The following CEP89 variants were observed in gnomAD, a reference collection of about 807,000 sequenced individuals.
The protein encoded by CEP89 is centrosomal protein of 89 kDa.
In CEP89, 95 loss-of-function variants were observed where a neutral mutation model predicts 97.6. That is an observed-to-expected ratio of 0.97 (90% CI 0.82 to 1.15). The LOEUF (loss-of-function observed/expected upper bound fraction) is 1.15, where lower values mean the gene tolerates loss of function less well. Ranked by LOEUF, CEP89 falls within the 50% of genes most tolerant of loss-of-function variation. CEP89 has a pLI of 0.00. For missense variants in CEP89, 869 were observed against 947.7 expected (o/e 0.92, Z 1.09); for synonymous variants, 354 against 349.1 (o/e 1.01, Z -0.16).
intron 9 of CEP89, among the ~76,000 whole-genome samples, chr19:32,930,010 CCTTT>C (rs1482609137): frequency 2.7e-5 from 4 of 150,078 alleles, no homozygotes; most frequent in African/African-American, 9.9e-5. Flanking sequence ...TATGACACTT[CCTTT>C]TTTTTCCTTT....
chr19:32,913,308 TTTTTGTTG>T (rs1168216873), intron 14 of CEP89, among the ~76,000 whole-genome samples: 32,056 of 101,032 alleles, frequency 0.32, 3,673 homozygotes, highest in Admixed American at 0.4. Context: ...TATATATATT[TTTTTGTTG>T]TTGTTGTTGT....
intron 1 of CEP89, chr19:32,970,297 T>C (rs1312226352): frequency 2.0e-5 from 3 of 152,222 alleles, no homozygotes; most frequent in Admixed American, 6.6e-5. Context: ...ACAGACCGTG[T>C]GGCCATAAGC....
chr19:32,946,689 T>C (rs966548624), intron 5 of CEP89, among the ~76,000 whole-genome samples: 19 of 152,154 alleles, frequency 1.2e-4, no homozygotes, highest in African/African-American at 1.4e-4. Flanking sequence ...GTTCTCGTGG[T>C]AGTGAATAAG....
At chr19:32,937,395 T>G in intron 7 of CEP89, 2 of 466,788 alleles carry the variant, frequency 4.3e-6, no homozygotes, top group Non-Finnish European at 3.8e-6. Flanking sequence ...GATCCCAGCA[T>G]ATCCCACAGG....
chr19:32,883,262 AC>A (rs1370030465), intron 17 of CEP89, among the ~76,000 whole-genome samples: 1 of 152,138 alleles, frequency 6.6e-6, no homozygotes. Context: ...ATTCTCTCTG[AC>A]CCAAGAATTG....
At position 32,877,774 on chromosome 19, in the gene CEP89, A is replaced by C. The variant is rs1969199167; in HGVS notation, c.*1388T>G. 6.6e-6 allele frequency: 1 copy of C among 151,950 alleles called. No individual in the cohort carries two copies. The highest frequency in any genetic ancestry group is 1.5e-5 in the Non-Finnish European group (1 of 68,048). 9.4% of individuals were successfully genotyped at this position (151,950 alleles called of 1,614,324 possible). Reference sequence around the variant, plus strand: ...AAGACCCCATCTCTACCAAAAAAAAAATTTTTTTTTTTTGAGACAAAGTCT... The same window carrying C: ...AAGACCCCATCTCTACCAAAAAAAACATTTTTTTTTTTTGAGACAAAGTCT... On this transcript the variant is annotated 3_prime_UTR_variant, in exon 19 of 19. Transcript: ENST00000305768.
intron 16 of CEP89, among the ~76,000 whole-genome samples, chr19:32,894,384 G>A (rs1969595697): frequency 6.6e-6 from 1 of 152,064 alleles, no homozygotes; most frequent in Admixed American, 6.6e-5. Flanking sequence ...ACTACCAGGT[G>A]GTTACACGTT....
chr19:32,971,706 A>G lies in CEP89; in HGVS notation c.39+130T>C. ...AACACGAAAAATCAAGGCTTCCTCA[A>G]CTGAAAACCACTTTCTCTTGTGCCG... is the stretch of plus-strand genomic sequence containing the variant. On this transcript the variant is annotated intron_variant, in intron 1 of 18. Transcript: ENST00000305768. The G allele has an allele frequency of 3.3e-6, 3 of 900,134 alleles. No individual in the cohort carries two copies. The East Asian group carries it at 8.0e-5, about 24-fold the overall frequency. The allele number at this position is 900,134 out of a possible 1,614,324, so 55.8% of individuals were successfully genotyped here.
intron 14 of CEP89, among the ~76,000 whole-genome samples, chr19:32,912,511 A>T (rs1367732725): frequency 3.9e-5 from 6 of 152,138 alleles, no homozygotes; most frequent in Non-Finnish European, 8.8e-5. Flanking sequence ...GGCCTGCCAT[A>T]TGAATTTTGA....
chr19:32,895,509 T>C (rs564616853), intron 16 of CEP89, among the ~76,000 whole-genome samples: 1 of 152,232 alleles, frequency 6.6e-6, no homozygotes, highest in African/African-American at 2.4e-5. Context: ...ACAGCTAACA[T>C]CATACCGAGT....
chr19:32,904,492 T>G (rs552614725), intron 14 of CEP89, among the ~76,000 whole-genome samples: 1 of 152,326 alleles, frequency 6.6e-6, no homozygotes, highest in African/African-American at 2.4e-5. Context: ...CCACATCTAT[T>G]TGTGAAGCTT....
At chr19:32,910,782 C>T (rs962287706) in intron 14 of CEP89, among the ~76,000 whole-genome samples, 7 of 152,168 alleles carry the variant, frequency 4.6e-5, no homozygotes, top group African/African-American at 1.7e-4. Context: ...ACCTCCATGT[C>T]TCATCCCACT....
Position 32,899,885 on chromosome 19 carries a change from G to C in CEP89, c.1847C>G (p.Thr616Ser), listed in dbSNP as rs767119647. ...ACACATAAGACTGTCACGTTCCTGG[G>C]TTATGTTTTCTGCCAGGCCAACAAG... ...ANLVGLAENI[T>S]QERDSLMCLA... Residue 616 changes from threonine (T) to serine (S), a missense_variant, in exon 16 of 19, where the codon ACC becomes AGC. By Grantham distance (58) the Thr-to-Ser change is moderately conservative (BLOSUM62 1). Transcript: ENST00000305768. 1.9e-6 allele frequency: 3 copies of C among 1,613,912 alleles called. No homozygotes were observed. Among genetic ancestry groups the C allele is most frequent in the South Asian group, 2.2e-5 (2 of 91,068 alleles).
intron 1 of CEP89, chr19:32,970,005 C>T (rs1047744186): frequency 6.6e-6 from 1 of 152,334 alleles, no homozygotes; most frequent in Non-Finnish European, 1.5e-5. Context: ...CAGCCACTGC[C>T]ATCACAAGGA....
At position 32,942,136 on chromosome 19, in the gene CEP89, C is replaced by T. The variant is rs559775538; in HGVS notation, c.596-2251G>A. Among the ~76,000 whole-genome samples, 408 of 152,320 alleles carry T rather than the reference C, an allele frequency of 2.7e-3. 6 individuals are homozygous for T. The highest frequency in any genetic ancestry group is 3.4e-3 in the Non-Finnish European group (233 of 68,026). ...CTGGCACATGCCTGTAACCCCAGCA[C>T]TTTGGGAGGCCGAGGCAGGTAGATC... On this transcript the variant is annotated intron_variant, in intron 5 of 18. Transcript: ENST00000305768.
chr19:32,959,945 T>A lies in CEP89; in HGVS notation c.260A>T (p.Asp87Val). 6.2e-7 allele frequency: 1 copy of A among 1,614,194 alleles called. No homozygotes were observed. The highest frequency in any genetic ancestry group is 8.5e-7 in the Non-Finnish European group (1 of 1,180,034). ...GGTGGCATAGGGCTCGATGAAGCTG[T>A]CCTGTTCAACACTGCTCACATCACT... ...SESDVSSVEQ[D>V]SFIEPYATTS... is the part of the protein sequence containing the mutation. The change falls in exon 3 of 19, where the codon GAC becomes GTC. Residue 87 changes from aspartate (D) to valine (V), a missense_variant. By Grantham distance (152) the Asp-to-Val change is radical. Coordinates refer to ENST00000305768, the MANE Select transcript of CEP89 (RefSeq NM_032816.5).
At chr19:32,964,251 C>A (rs1253767456) in intron 2 of CEP89, among the ~76,000 whole-genome samples, 1 of 152,012 alleles carries the variant, frequency 6.6e-6, no homozygotes, top group Admixed American at 6.6e-5. Context: ...GGGCTCACTG[C>A]AACCTCTGCC....
chr19:32,893,800 G>A (rs1381261171), intron 16 of CEP89, among the ~76,000 whole-genome samples: 1 of 152,212 alleles, frequency 6.6e-6, no homozygotes, highest in East Asian at 1.9e-4. Flanking sequence ...AAATTAAGAA[G>A]GGTATCAAAA....
At chr19:32,966,982 T>C (rs1269067449) in intron 1 of CEP89, among the ~76,000 whole-genome samples, 1 of 152,122 alleles carries the variant, frequency 6.6e-6, no homozygotes. Context: ...TTCACCACCA[T>C]GCCTAGGTAA....
Sources: allele counts gnomAD v4.1 joint callset (sites outside exome capture counted in the v4.1 genomes callset), GRCh38; gene constraint gnomAD v4.1.1; transcripts MANE v1.5; gene names NCBI Gene and HGNC (gene_info 2026-07-23, HGNC 2026-07-21).